CD302: variants seen among roughly 807,000 people sequenced by gnomAD.
CD302 encodes the protein CD302 antigen.
Under a neutral mutation model 26.5 loss-of-function variants are expected in CD302, and 23 were observed. The ratio of observed to expected loss-of-function variants is 0.87; its 90% CI spans 0.62 to 1.23. CD302 has a LOEUF of 1.23. Ranked by LOEUF, CD302 falls within the 50% of genes most tolerant of loss-of-function variation. CD302 has a pLI of 0.00. For missense variants in CD302, 290 were observed against 275.5 expected (o/e 1.05, Z -0.37); for synonymous variants, 90 against 99.4 (o/e 0.91, Z 0.56).
chr2:159,778,068 G>A, intron 4 of CD302, 104 bp from the exon 5 acceptor site: 1 of 404,666 alleles, frequency 2.5e-6, no homozygotes, highest in Admixed American at 5.1e-5. Flanking sequence ...TTTATTAGTA[G>A]CTTAATATCA....
intron 1 of CD302, among the ~76,000 whole-genome samples, chr2:159,784,630 A>G (rs1177333908): frequency 1.3e-5 from 2 of 152,092 alleles, no homozygotes; most frequent in Non-Finnish European, 2.9e-5. Context: ...TGCTGGAATA[A>G]CAGGTGTGAG....
intron 2 of CD302, among the ~76,000 whole-genome samples, chr2:159,782,598 G>A (rs970800363): frequency 2.6e-5 from 4 of 151,210 alleles, no homozygotes; most frequent in African/African-American, 9.7e-5. Context: ...GCTAGCGCAC[G>A]CCTGTAGTCC....
At chr2:159,784,304 T>G (rs1239728984) in intron 1 of CD302, among the ~76,000 whole-genome samples, 1 of 151,750 alleles carries the variant, frequency 6.6e-6, no homozygotes, top group African/African-American at 2.4e-5. Flanking sequence ...CTTAGTGATT[T>G]CATCTATATA....
intron 1 of CD302, among the ~76,000 whole-genome samples, chr2:159,783,726 A>G (rs1006891229): frequency 2.0e-5 from 3 of 152,242 alleles, no homozygotes; most frequent in Non-Finnish European, 4.4e-5. Flanking sequence ...TAGGTTGTTT[A>G]GGAATTCAGA....
At chr2:159,794,783 C>T (rs1708905789) in intron 1 of CD302, among the ~76,000 whole-genome samples, 2 of 151,014 alleles carry the variant, frequency 1.3e-5, no homozygotes, top group Admixed American at 6.6e-5. Flanking sequence ...CTCCTGACCT[C>T]GTGATCCACC....
chr2:159,770,568 G>C lies in CD302; in HGVS notation c.*1283C>G, dbSNP rs141430725. 8.5e-4 allele frequency: 130 copies of C among 152,270 alleles called. No individual in the cohort carries two copies. Among genetic ancestry groups the C allele is most frequent in the African/African-American group, 2.9e-3 (121 of 41,542 alleles). The allele number at this position is 152,270 out of a possible 1,614,324, so 9.4% of individuals were successfully genotyped here. On this transcript the variant is annotated 3_prime_UTR_variant, in exon 6 of 6. Coordinates refer to ENST00000259053, the MANE Select transcript of CD302 (RefSeq NM_014880.5). ...ATTGATGGGGTGTGGATTCAGAAGA[G>C]GGATTACTTTTCTTTGAGCCTCAGA...
chr2:159,783,284 T>C, intron 2 of CD302, 75 bp downstream of exon 2: 1 of 1,257,660 alleles, frequency 8.0e-7, no homozygotes, highest in Non-Finnish European at 1.1e-6. Context: ...TGTGACAAAA[T>C]CAATTTTTAA....
At chr2:159,776,037 G>A (rs56237844) in intron 5 of CD302, among the ~76,000 whole-genome samples, 2 of 12,806 alleles carry the variant, frequency 1.6e-4, no homozygotes, top group Non-Finnish European at 5.4e-4. Flanking sequence ...TTTTAAAGTA[G>A]AGTCGGGATT....
intron 1 of CD302, among the ~76,000 whole-genome samples, chr2:159,797,228 G>GGC (rs1553796288): frequency 1.5e-5 from 2 of 130,994 alleles, no homozygotes; most frequent in Admixed American, 7.7e-5. Context: ...GGGGTGGGGG[G>GGC]GGGGAATCTC....
Position 159,772,066 on chromosome 2 carries a change from A to C in CD302, c.497-13T>G. Reference sequence around the variant, plus strand: ...AAAATGTGGTTATCTGAAAAGGAAAAGACAAAAGAGTATTTGGGAAATTAG... The same window carrying C: ...AAAATGTGGTTATCTGAAAAGGAAACGACAAAAGAGTATTTGGGAAATTAG... On this transcript the variant is annotated splice_polypyrimidine_tract_variant and intron_variant, in intron 5 of 5. Transcript: ENST00000259053. 6.2e-7 allele frequency: 1 copy of C among 1,613,206 alleles called. No individual in the cohort carries two copies. Among genetic ancestry groups the C allele is most frequent in the Admixed American group, 1.7e-5 (1 of 59,996 alleles).
intron 4 of CD302, 38 bp downstream of exon 4, chr2:159,779,967 C>T: frequency 6.3e-7 from 1 of 1,583,806 alleles, no homozygotes. Flanking sequence ...CTTTCTCTGC[C>T]CCTTCTAGAA....
chr2:159,776,296 C>CA (rs1708322108), intron 5 of CD302, among the ~76,000 whole-genome samples: 2 of 152,220 alleles, frequency 1.3e-5, no homozygotes, highest in South Asian at 4.1e-4. Flanking sequence ...CATCAGTGGA[C>CA]ACTTGGGTTG....
chr2:159,780,436 G>C (rs1708472665), intron 3 of CD302, among the ~76,000 whole-genome samples: 1 of 151,720 alleles, frequency 6.6e-6, no homozygotes, highest in Non-Finnish European at 1.5e-5. Context: ...AAAAAGTCAA[G>C]AAAAATAGTT....
Position 159,798,201 on chromosome 2 carries a change from C to A in CD302, c.-3G>T. 1 of 1,433,012 alleles carries A rather than the reference C, an allele frequency of 7.0e-7. No homozygotes were observed. Among genetic ancestry groups the A allele is most frequent in the South Asian group, 1.4e-5 (1 of 71,484 alleles). The allele number at this position is 1,433,012 out of a possible 1,614,324, so 88.8% of individuals were successfully genotyped here. Reference sequence around the variant, plus strand: ...GCGGGCAGCGCGGCCCGGAGCATGACGGCGGGTGCGGGTGGGCGGCAGCGG... The same window carrying A: ...GCGGGCAGCGCGGCCCGGAGCATGAAGGCGGGTGCGGGTGGGCGGCAGCGG... On this transcript the variant is annotated 5_prime_UTR_variant, in exon 1 of 6. Transcript: ENST00000259053.
At chr2:159,789,457 G>C (rs1978586) in intron 1 of CD302, among the ~76,000 whole-genome samples, 2 of 152,026 alleles carry the variant, frequency 1.3e-5, no homozygotes, top group Non-Finnish European at 2.9e-5. Flanking sequence ...TTAACTTATC[G>C]TAGTTATTTT....
intron 1 of CD302, among the ~76,000 whole-genome samples, chr2:159,786,330 TTC>T (rs1023029735): frequency 4.4e-5 from 5 of 114,782 alleles, no homozygotes; most frequent in African/African-American, 1.5e-4. Context: ...TGTTGTCTTT[TTC>T]TTTTTTTTTT....
chr2:159,790,103 C>T (rs568561891), intron 1 of CD302, among the ~76,000 whole-genome samples: 2 of 152,188 alleles, frequency 1.3e-5, no homozygotes, highest in African/African-American at 4.8e-5. Flanking sequence ...CCATATCAGA[C>T]ATTTGCTGAG....
intron 1 of CD302, among the ~76,000 whole-genome samples, chr2:159,792,422 C>CTGTGTGTGTGTGTGTGTGTGTGTGTGTG (rs3138650): frequency 6.9e-6 from 1 of 145,202 alleles, no homozygotes; most frequent in African/African-American, 2.6e-5. Context: ...AGAACCAACT[C>CTGTGTGTGTGTGTGTGTGTGTGTGTGTG]TGTGTGTGTG....
chr2:159,778,156 A>C (rs990202153), intron 4 of CD302, among the ~76,000 whole-genome samples, 192 bp from the exon 5 acceptor site: 1 of 152,164 alleles, frequency 6.6e-6, no homozygotes, highest in Non-Finnish European at 1.5e-5. Flanking sequence ...TAGTTTTTAA[A>C]GAAAGATGTA....
Sources: gnomAD v4.1 joint callset for allele counts (sites outside exome capture counted in the v4.1 genomes callset) on GRCh38, gnomAD v4.1.1 for gene constraint, MANE v1.5 for transcripts, NCBI Gene and HGNC (gene_info 2026-07-23, HGNC 2026-07-21) for gene names.